RAB9B: variants seen among roughly 807,000 people sequenced by gnomAD.
RAB9B encodes ras-related protein Rab-9B.
RAB9B carries 1 observed loss-of-function variant against 8.9 expected under a neutral mutation model. The ratio of observed to expected loss-of-function variants is 0.11; its 90% confidence interval spans 0.04 to 0.53. The LOEUF (loss-of-function observed/expected upper bound fraction) is 0.53, where lower values mean the gene tolerates loss of function less well. RAB9B is among the 20% of genes least tolerant of loss of function. The probability of loss-of-function intolerance (pLI) is 0.93; values close to 1 mark genes in which losing one functional copy is unlikely to be tolerated. For missense variants in RAB9B, 82 were observed against 152.9 expected (o/e 0.54, Z 2.45); for synonymous variants, 63 against 57.0 (o/e 1.10, Z -0.47).
the RAB9B span, chrX:103,786,523 G>T: frequency 1.7e-6 from 2 of 1,209,971 alleles, no homozygotes; most frequent in Non-Finnish European, 2.2e-6. Flanking sequence ...CCTTTATGGG[G>T]CCCTCCTGCT....
At chrX:103,786,400 G>A in the RAB9B span, 13 of 1,143,748 alleles carry the variant, frequency 1.1e-5, no homozygotes, top group Admixed American at 2.2e-5. Context: ...CACTTATGTC[G>A]GGAAAGAAGC....
At chrX:103,785,975 C>A in the RAB9B span, 1 of 536,022 alleles carries the variant, frequency 1.9e-6, no homozygotes, top group Non-Finnish European at 3.0e-6. Flanking sequence ...CCTGTCAGCC[C>A]CTCCCACCCC....
the RAB9B span, chrX:103,792,634 A>G: frequency 8.9e-6 from 1 of 112,763 alleles, no homozygotes; most frequent in African/African-American, 3.2e-5. Context: ...GTGTCCTTTG[A>G]GTGAATTGTT....
the RAB9B span, among the ~76,000 whole-genome samples, chrX:103,817,286 T>C: frequency 9.0e-6 from 1 of 111,188 alleles, no homozygotes; most frequent in African/African-American, 3.3e-5. Context: ...TTGTGGGACA[T>C]GGATGAAGCT....
chrX:103,786,425 A>G, the RAB9B span: 4 of 1,193,141 alleles, frequency 3.4e-6, no homozygotes, highest in Admixed American at 2.2e-5. Context: ...TCTTCAATTA[A>G]TAAGATTCCC....
downstream of RAB9B, among the ~76,000 whole-genome samples, chrX:103,818,156 C>A (rs2074646946): frequency 1.8e-5 from 2 of 111,364 alleles, no homozygotes; most frequent in South Asian, 7.5e-4. Context: ...TGTTCCCCAA[C>A]CCCCATAAGG....
At chrX:103,805,344 T>C in the RAB9B span, among the ~76,000 whole-genome samples, 1 of 112,214 alleles carries the variant, frequency 8.9e-6, no homozygotes, top group Admixed American at 9.5e-5. Context: ...AAGTCCTAGT[T>C]GGTCATGGTG....
At chrX:103,814,712 G>C in the RAB9B span, among the ~76,000 whole-genome samples, 1 of 111,505 alleles carries the variant, frequency 9.0e-6, no homozygotes, top group African/African-American at 3.3e-5. Context: ...AAGAAGAAAA[G>C]AGAGAAGAAT....
At chrX:103,817,820 A>AT (rs2074645587), downstream of RAB9B, among the ~76,000 whole-genome samples, 1 of 111,095 alleles carries the variant, frequency 9.0e-6, no homozygotes, top group South Asian at 3.7e-4. Flanking sequence ...ATGAATGAAT[A>AT]TTTTTTATTT....
At chrX:103,796,760 T>C in the RAB9B span, among the ~76,000 whole-genome samples, 1 of 99,560 alleles carries the variant, frequency 1.0e-5, no homozygotes, top group Non-Finnish European at 2.0e-5. Context: ...CCGGTATTTG[T>C]CAGGGAGCAG....
the RAB9B span, among the ~76,000 whole-genome samples, chrX:103,802,621 G>A: frequency 8.9e-6 from 1 of 111,969 alleles, no homozygotes; most frequent in Admixed American, 9.4e-5. Flanking sequence ...CATATCACCA[G>A]CTATCAGTGT....
chrX:103,809,425 C>T, the RAB9B span, among the ~76,000 whole-genome samples: 7 of 111,760 alleles, frequency 6.3e-5, no homozygotes, highest in African/African-American at 1.3e-4. Context: ...CTCAGCCTCC[C>T]GAGTAGCTGG....
the RAB9B span, among the ~76,000 whole-genome samples, chrX:103,797,224 A>T: frequency 1.4e-3 from 1 of 691 alleles, no homozygotes; most frequent in Non-Finnish European, 2.3e-3. Context: ...AGTAGCTGGG[A>T]CTACAGGCGA....
the RAB9B span, chrX:103,790,478 G>A: frequency 1.1e-6 from 1 of 893,241 alleles, no homozygotes; most frequent in African/African-American, 2.0e-5. Context: ...TGAGGAGGGA[G>A]TGCTTTCTTT....
At chrX:103,789,222 T>C in the RAB9B span, 3 of 632,145 alleles carry the variant, frequency 4.7e-6, no homozygotes, top group Non-Finnish European at 5.4e-6. Context: ...AGATGTGGAA[T>C]TAGCACACAA....
chrX:103,781,163 T>G, the RAB9B span: 107 of 242,361 alleles, frequency 4.4e-4, no homozygotes, highest in South Asian at 1.1e-3. Flanking sequence ...AGTTCCCAGA[T>G]TCACACTGAA....
the RAB9B span, among the ~76,000 whole-genome samples, chrX:103,810,046 G>A: frequency 8.9e-6 from 1 of 111,871 alleles, no homozygotes; most frequent in Non-Finnish European, 1.9e-5. Flanking sequence ...GTAGGAAGGA[G>A]CCTTGCTGAA....
At chrX:103,810,730 C>T in the RAB9B span, among the ~76,000 whole-genome samples, 5 of 111,803 alleles carry the variant, frequency 4.5e-5, no homozygotes, top group East Asian at 1.1e-3. Flanking sequence ...TACCCCTTTG[C>T]TTAGAACACC....
rs756788594 is a variant in RAB9B, at chrX:103,825,280, C to T, written c.505G>A (p.Val169Ile). The T allele has an allele frequency of 1.7e-6, 2 of 1,211,732 alleles. No homozygotes were observed. Among genetic ancestry groups the T allele is most frequent in the South Asian group, 1.8e-5 (1 of 56,964 alleles). Residue 169 changes from valine to isoleucine, a missense_variant, in exon 3 of 3, where the codon GTC (valine) becomes ATC (isoleucine). Transcript: ENST00000243298. ...TNVTVAFEEA[V>I]RQVLAVEEQL... ...TCCTCTACAGCCAGCACCTGCCTGA[C>T]AGCTTCTTCAAAGGCCACTGTCACA...
Sources: allele counts gnomAD v4.1 joint callset (sites outside exome capture counted in the v4.1 genomes callset), GRCh38; gene constraint gnomAD v4.1.1; transcripts MANE v1.5; gene names NCBI Gene and HGNC (gene_info 2026-07-23, HGNC 2026-07-21).